LRRC4C: variants seen among roughly 807,000 people sequenced by gnomAD.
The protein encoded by LRRC4C is leucine rich repeat containing 4C.
A neutral mutation model predicts 33.6 loss-of-function variants in LRRC4C; 5 were observed. That is an observed-to-expected ratio of 0.15 (90% confidence interval 0.08 to 0.31). LRRC4C has a LOEUF of 0.31. LRRC4C is among the 10% of genes least tolerant of loss of function. The probability of loss-of-function intolerance (pLI) is 1.00; values close to 1 mark genes in which losing one functional copy is unlikely to be tolerated. For missense variants in LRRC4C, 560 were observed against 796.7 expected (o/e 0.70, Z 3.58); for synonymous variants, 329 against 302.0 (o/e 1.09, Z -0.93).
At chr11:40,213,086 G>A (rs1178665905) in intron 5 of LRRC4C, among the ~76,000 whole-genome samples, 1 of 152,018 alleles carries the variant, frequency 6.6e-6, no homozygotes, top group Non-Finnish European at 1.5e-5. Flanking sequence ...CATAACTTCG[G>A]AGCAAAACTC....
intron 3 of LRRC4C, among the ~76,000 whole-genome samples, chr11:40,400,261 T>A (rs1949708745): frequency 6.6e-6 from 1 of 152,154 alleles, no homozygotes; most frequent in Admixed American, 6.6e-5. Context: ...AATTAGTCAG[T>A]GTGCAAACTG....
At chr11:41,272,958 A>C (rs913477939) in intron 1 of LRRC4C, among the ~76,000 whole-genome samples, 1 of 152,204 alleles carries the variant, frequency 6.6e-6, no homozygotes, top group Non-Finnish European at 1.5e-5. Context: ...TGCTTAGTTC[A>C]TGCATGCATG....
chr11:40,177,546 C>G (rs1298864428), intron 5 of LRRC4C, among the ~76,000 whole-genome samples: 1 of 152,140 alleles, frequency 6.6e-6, no homozygotes, highest in Non-Finnish European at 1.5e-5. Context: ...CACCTATTCT[C>G]TTTGCTTGGA....
chr11:41,308,452 C>T (rs1950561517), intron 1 of LRRC4C, among the ~76,000 whole-genome samples: 1 of 152,046 alleles, frequency 6.6e-6, no homozygotes, highest in East Asian at 1.9e-4. Context: ...GTGCTGTGTC[C>T]ACCGCCAAGG....
At chr11:41,026,878 T>C (rs550123834) in intron 1 of LRRC4C, among the ~76,000 whole-genome samples, 3 of 151,870 alleles carry the variant, frequency 2.0e-5, no homozygotes, top group East Asian at 3.9e-4. Flanking sequence ...TATGGTATAA[T>C]GTAAACATAA....
At chr11:40,412,424 T>G (rs887434056) in intron 3 of LRRC4C, among the ~76,000 whole-genome samples, 3 of 152,088 alleles carry the variant, frequency 2.0e-5, no homozygotes, top group South Asian at 2.1e-4. Context: ...TGCCTTCCAG[T>G]TACATGGGCT....
At chr11:41,398,300 C>T (rs1953897109) in intron 1 of LRRC4C, among the ~76,000 whole-genome samples, 1 of 151,886 alleles carries the variant, frequency 6.6e-6, no homozygotes, top group African/African-American at 2.4e-5. Flanking sequence ...CATTGCTCTA[C>T]CTTGCAGGGT....
At chr11:40,862,253 T>C (rs1022925917) in intron 2 of LRRC4C, among the ~76,000 whole-genome samples, 10 of 152,170 alleles carry the variant, frequency 6.6e-5, no homozygotes, top group African/African-American at 2.4e-4. Context: ...AGGTAGGTGT[T>C]TGAAGTTTTT....
At chr11:41,175,774 T>C (rs575820768) in intron 1 of LRRC4C, among the ~76,000 whole-genome samples, 2 of 152,236 alleles carry the variant, frequency 1.3e-5, no homozygotes, top group South Asian at 4.2e-4. Context: ...CCTCTGCAGC[T>C]TCTCTTCCTG....
At chr11:41,390,342 C>T (rs935564694) in intron 1 of LRRC4C, among the ~76,000 whole-genome samples, 2 of 151,814 alleles carry the variant, frequency 1.3e-5, no homozygotes, top group East Asian at 1.9e-4. Flanking sequence ...GTTTTGGTGA[C>T]GTTTCCATTG....
chr11:40,220,875 TG>T (rs1314203120), intron 5 of LRRC4C, among the ~76,000 whole-genome samples: 3 of 82,466 alleles, frequency 3.6e-5, no homozygotes, highest in South Asian at 6.5e-4. Context: ...TTTGTGTTTT[TG>T]GTTTTTTTTT....
chr11:40,151,278 T>G (rs1372927017), intron 5 of LRRC4C, among the ~76,000 whole-genome samples: 6 of 152,138 alleles, frequency 3.9e-5, no homozygotes, highest in Admixed American at 3.3e-4. Flanking sequence ...CTCTGAAATG[T>G]CAGGGATTTT....
chr11:40,989,793 T>C (rs566536166), intron 1 of LRRC4C, among the ~76,000 whole-genome samples: 80 of 152,236 alleles, frequency 5.3e-4, no homozygotes, highest in African/African-American at 1.7e-3. Flanking sequence ...TTAATGTGTT[T>C]TAAAGGTACA....
intron 2 of LRRC4C, among the ~76,000 whole-genome samples, chr11:40,784,090 A>T (rs1484432320): frequency 6.6e-6 from 1 of 151,904 alleles, no homozygotes; most frequent in Non-Finnish European, 1.5e-5. Flanking sequence ...TTATATATAT[A>T]TATACATTCA....
intron 3 of LRRC4C, among the ~76,000 whole-genome samples, chr11:40,524,751 C>T (rs1591000014): frequency 6.6e-6 from 1 of 152,096 alleles, no homozygotes; most frequent in East Asian, 1.9e-4. Context: ...TTATTTGCAC[C>T]TTACTATGAG....
chr11:40,171,646 G>A (rs1860055684), intron 5 of LRRC4C, among the ~76,000 whole-genome samples: 1 of 152,064 alleles, frequency 6.6e-6, no homozygotes, highest in African/African-American at 2.4e-5. Flanking sequence ...TAATCTCCTA[G>A]GCTGATTCAT....
intron 3 of LRRC4C, among the ~76,000 whole-genome samples, chr11:40,638,988 G>A (rs918000434): frequency 1.3e-5 from 2 of 152,024 alleles, no homozygotes; most frequent in African/African-American, 2.4e-5. Flanking sequence ...CCGAGGCTCC[G>A]AAGTTGGTGG....
At chr11:40,802,838 A>C (rs1951094788) in intron 2 of LRRC4C, among the ~76,000 whole-genome samples, 1 of 152,238 alleles carries the variant, frequency 6.6e-6, no homozygotes. Context: ...AAAGTCTATT[A>C]GTTTCCAAAT....
chr11:40,876,819 C>A (rs1328861748), intron 2 of LRRC4C, among the ~76,000 whole-genome samples: 1 of 148,926 alleles, frequency 6.7e-6, no homozygotes, highest in African/African-American at 2.5e-5. Context: ...TCAAGAATTG[C>A]TTGAACCTAG....
Sources: gnomAD v4.1 joint callset for allele counts (sites outside exome capture counted in the v4.1 genomes callset) on GRCh38, gnomAD v4.1.1 for gene constraint, MANE v1.5 for transcripts, NCBI Gene and HGNC (gene_info 2026-07-23, HGNC 2026-07-21) for gene names.